The following MGAT4C variants were observed in gnomAD, a reference collection of about 807,000 sequenced individuals.
MGAT4C encodes MGAT4 family member C, also known as alpha-1,3-mannosyl-glycoprotein 4-beta-N-acetylglucosaminyltransferase C.
MGAT4C carries 19 observed loss-of-function variants against 40.1 expected under a neutral mutation model. The ratio of observed to expected loss-of-function variants is 0.47; its 90% CI spans 0.33 to 0.70. MGAT4C has a LOEUF of 0.70. MGAT4C is among the 30% of genes least tolerant of loss of function. The pLI is 0.02. For synonymous variants in MGAT4C, 181 were observed against 187.1 expected, an observed-to-expected ratio of 0.97 and a Z score of 0.27; for missense variants, 491 against 563.2, an observed-to-expected ratio of 0.87 and a Z score of 1.30.
At chr12:86,386,447 G>A (rs1015135142) in intron 3 of MGAT4C, among the ~76,000 whole-genome samples, 1 of 152,176 alleles carries the variant, frequency 6.6e-6, no homozygotes, top group African/African-American at 2.4e-5. Context: ...AGTGCTCACT[G>A]ATGAATAAGC....
At chr12:86,783,883 T>C (rs1444507158) in intron 1 of MGAT4C, among the ~76,000 whole-genome samples, 1 of 152,144 alleles carries the variant, frequency 6.6e-6, no homozygotes, top group Non-Finnish European at 1.5e-5. Context: ...CAAGGACTGC[T>C]TACTATGGGT....
chr12:86,003,957 C>T (rs1335470140), intron 2 of MGAT4C, among the ~76,000 whole-genome samples: 1 of 151,958 alleles, frequency 6.6e-6, no homozygotes, highest in Non-Finnish European at 1.5e-5. Flanking sequence ...TAACCTTTAC[C>T]ATTGGCCTTG....
chr12:86,837,775 C>G (rs1411135187), intron 1 of MGAT4C, among the ~76,000 whole-genome samples: 4 of 152,070 alleles, frequency 2.6e-5, no homozygotes, highest in Non-Finnish European at 5.9e-5. Flanking sequence ...TTCTATTCTA[C>G]ACTCCCATTC....
intron 2 of MGAT4C, among the ~76,000 whole-genome samples, chr12:86,614,232 A>G (rs1962376871): frequency 6.6e-6 from 1 of 152,166 alleles, no homozygotes; most frequent in African/African-American, 2.4e-5. Context: ...TAACAAGCAG[A>G]TTACATCCTC....
chr12:86,419,003 TAA>T (rs1026051736), intron 3 of MGAT4C, among the ~76,000 whole-genome samples: 2 of 152,176 alleles, frequency 1.3e-5, no homozygotes, highest in African/African-American at 4.8e-5. Flanking sequence ...TTCTCTAGGT[TAA>T]AGAGTTATTA....
chr12:86,671,630 C>G (rs929089710), intron 2 of MGAT4C, among the ~76,000 whole-genome samples: 3 of 151,866 alleles, frequency 2.0e-5, no homozygotes, highest in African/African-American at 7.3e-5. Flanking sequence ...CTAAGGGAGA[C>G]CAAAAAGAGC....
intron 1 of MGAT4C, among the ~76,000 whole-genome samples, chr12:86,059,339 G>A (rs772350839): frequency 5.9e-5 from 9 of 152,178 alleles, no homozygotes; most frequent in Non-Finnish European, 1.2e-4. Context: ...ACCGCACCCA[G>A]CCTTAACATG....
chr12:86,081,443 T>C (rs114509826), intron 1 of MGAT4C, among the ~76,000 whole-genome samples: 2,229 of 152,292 alleles, frequency 0.015, 64 homozygotes, highest in African/African-American at 0.051. Context: ...TATTATAATA[T>C]TACATTTGTT....
At chr12:86,079,600 G>A (rs1474686062) in intron 1 of MGAT4C, among the ~76,000 whole-genome samples, 1 of 151,972 alleles carries the variant, frequency 6.6e-6, no homozygotes, top group Non-Finnish European at 1.5e-5. Context: ...ATGAGTGTGA[G>A]TTCTATATTC....
At chr12:86,404,727 A>G (rs907637010) in intron 3 of MGAT4C, among the ~76,000 whole-genome samples, 1 of 152,168 alleles carries the variant, frequency 6.6e-6, no homozygotes, top group African/African-American at 2.4e-5. Context: ...AAAGAAAAGA[A>G]AAGTCTGATG....
chr12:86,318,590 G>C (rs1399458731), intron 4 of MGAT4C, among the ~76,000 whole-genome samples: 1 of 152,020 alleles, frequency 6.6e-6, no homozygotes, highest in Non-Finnish European at 1.5e-5. Flanking sequence ...AATATTTTTT[G>C]TACCTTAAAC....
At chr12:86,515,457 C>G (rs1958666435) in intron 2 of MGAT4C, among the ~76,000 whole-genome samples, 1 of 151,904 alleles carries the variant, frequency 6.6e-6, no homozygotes, top group Admixed American at 6.6e-5. Flanking sequence ...AATCAACTTA[C>G]AGAAATTAAT....
At chr12:86,611,489 GA>G (rs1962276016) in intron 2 of MGAT4C, among the ~76,000 whole-genome samples, 1 of 151,514 alleles carries the variant, frequency 6.6e-6, no homozygotes, top group South Asian at 2.1e-4. Context: ...TAGATAGATA[GA>G]TAGATAGATA....
chr12:86,713,718 C>T (rs1355167599), intron 2 of MGAT4C, among the ~76,000 whole-genome samples: 2 of 152,022 alleles, frequency 1.3e-5, no homozygotes, highest in Non-Finnish European at 2.9e-5. Flanking sequence ...CCTATGAAGT[C>T]AGCACCATTG....
intron 2 of MGAT4C, among the ~76,000 whole-genome samples, chr12:86,605,035 G>A (rs941138897): frequency 2.6e-5 from 4 of 152,054 alleles, no homozygotes; most frequent in African/African-American, 9.7e-5. Flanking sequence ...ACAGAGAAAT[G>A]TTACTACATA....
chr12:86,577,205 G>C (rs896476330), intron 2 of MGAT4C, among the ~76,000 whole-genome samples: 7 of 151,734 alleles, frequency 4.6e-5, no homozygotes, highest in African/African-American at 1.7e-4. Flanking sequence ...TAGTTTTCTT[G>C]TGTAGTCTTT....
rs1410310122 is a variant in MGAT4C, at chr12:85,978,372, C to G, written c.*917G>C. 6.6e-6 allele frequency: 1 copy of G among 151,492 alleles called. No individual in the cohort carries two copies. Among genetic ancestry groups the G allele is most frequent in the Non-Finnish European group, 1.5e-5 (1 of 67,616 alleles). The allele number at this position is 151,492 out of a possible 1,614,324, so 9.4% of individuals were successfully genotyped here. ...CTTACTTTTCTCCTTTATAATATAC[C>G]CATTTAAATTCCAAAAAGGTATATG... On this transcript the variant is annotated 3_prime_UTR_variant, in exon 5 of 5. Transcript: ENST00000611864.
At chr12:86,541,782 T>C (rs1288454933) in intron 2 of MGAT4C, among the ~76,000 whole-genome samples, 1 of 152,194 alleles carries the variant, frequency 6.6e-6, no homozygotes, top group African/African-American at 2.4e-5. Flanking sequence ...CATTGATTCA[T>C]CTCCAACCTG....
At chr12:86,756,424 T>G (rs1467841388) in intron 1 of MGAT4C, among the ~76,000 whole-genome samples, 1 of 152,138 alleles carries the variant, frequency 6.6e-6, no homozygotes, top group African/African-American at 2.4e-5. Flanking sequence ...ATACGATTTT[T>G]TTTTTTGAGT....
Sources: allele counts gnomAD v4.1 joint callset (sites outside exome capture counted in the v4.1 genomes callset), GRCh38; gene constraint gnomAD v4.1.1; transcripts MANE v1.5; gene names NCBI Gene and HGNC (gene_info 2026-07-23, HGNC 2026-07-21).